Variants in KCNIP4 observed in about 807,000 individuals in gnomAD.
KCNIP4 encodes Kv channel-interacting protein 4.
In KCNIP4, 12 loss-of-function variants were observed where a neutral mutation model predicts 34.0. The ratio of observed to expected loss-of-function variants is 0.35; its 90% CI spans 0.23 to 0.57. The LOEUF (loss-of-function observed/expected upper bound fraction) is 0.57. KCNIP4 is among the 20% of genes least tolerant of loss of function. KCNIP4 has a pLI of 0.83. For synonymous variants in KCNIP4, 124 were observed against 102.2 expected (o/e 1.21, Z -1.29); for missense variants, 238 against 311.7 (o/e 0.76, Z 1.78).
intron 1 of KCNIP4, among the ~76,000 whole-genome samples, chr4:21,465,431 GA>G (rs1220740580): frequency 6.6e-6 from 1 of 152,134 alleles, no homozygotes; most frequent in Non-Finnish European, 1.5e-5. Context: ...ATGTGGGCAA[GA>G]AGGATTGTTG....
chr4:21,282,498 T>C (rs1198445762), intron 1 of KCNIP4, among the ~76,000 whole-genome samples: 1 of 150,222 alleles, frequency 6.7e-6, no homozygotes, highest in African/African-American at 2.5e-5. Flanking sequence ...GTGTGTGTAA[T>C]GCTGTTAAAA....
intron 1 of KCNIP4, among the ~76,000 whole-genome samples, chr4:21,931,926 C>T (rs1369571124): frequency 6.6e-6 from 1 of 152,084 alleles, no homozygotes; most frequent in African/African-American, 2.4e-5. Context: ...TTCTCCACAT[C>T]CTCTCCTTGT....
At chr4:21,510,825 C>T (rs28600372) in intron 1 of KCNIP4, among the ~76,000 whole-genome samples, 10,937 of 151,348 alleles carry the variant, frequency 0.072, 1,193 homozygotes, top group African/African-American at 0.24. Flanking sequence ...GAAACCAGCC[C>T]GGCCAACATG....
intron 3 of KCNIP4, among the ~76,000 whole-genome samples, chr4:20,824,646 C>A (rs1436245252): frequency 6.6e-6 from 1 of 152,114 alleles, no homozygotes; most frequent in African/African-American, 2.4e-5. Context: ...CACTTCTGCA[C>A]TCCAGACTAG....
rs371225209 is a variant in KCNIP4, at chr4:21,382,009, G to C, written c.62-499300C>G. ...GGAGCTACAGGAGCCTAAGAAAATGGAACAGCAAATGTTGAGGAAAGGGGA... is the reference window on the plus strand; with the variant it reads ...GGAGCTACAGGAGCCTAAGAAAATGCAACAGCAAATGTTGAGGAAAGGGGA... On this transcript the variant is annotated intron_variant, in intron 1 of 8. Transcript: ENST00000382152. Among the ~76,000 whole-genome samples the C allele has an allele frequency of 2.0e-5, 3 of 152,306 alleles. No individual in the cohort carries two copies. In the East Asian group the frequency reaches 5.8e-4, roughly 29 times the overall value.
chr4:21,151,715 C>A (rs922113350), intron 1 of KCNIP4, among the ~76,000 whole-genome samples: 2 of 152,072 alleles, frequency 1.3e-5, no homozygotes, highest in African/African-American at 4.8e-5. Context: ...CAGTCCACAG[C>A]CCTCCCTCTG....
intron 3 of KCNIP4, among the ~76,000 whole-genome samples, chr4:20,788,552 A>C (rs1033172388): frequency 5.3e-5 from 8 of 152,188 alleles, no homozygotes; most frequent in Non-Finnish European, 1.2e-4. Flanking sequence ...GTAAACATGT[A>C]GGAATTCAGC....
intron 1 of KCNIP4, among the ~76,000 whole-genome samples, chr4:21,233,356 C>T (rs1441708894): frequency 6.6e-6 from 1 of 152,078 alleles, no homozygotes; most frequent in African/African-American, 2.4e-5. Flanking sequence ...CTACTAAATA[C>T]TTCCTCACTG....
intron 1 of KCNIP4, among the ~76,000 whole-genome samples, chr4:21,119,179 AG>A (rs1749931130): frequency 6.6e-6 from 1 of 152,126 alleles, no homozygotes; most frequent in African/African-American, 2.4e-5. Flanking sequence ...GGCGGAGCTC[AG>A]GGCCCAAATG....
intron 1 of KCNIP4, among the ~76,000 whole-genome samples, chr4:21,795,704 A>T (rs922319774): frequency 6.6e-6 from 1 of 151,984 alleles, no homozygotes; most frequent in African/African-American, 2.4e-5. Flanking sequence ...GTAAAAAGAG[A>T]TGCAAGGGTA....
chr4:20,939,593 C>T (rs534754442), intron 1 of KCNIP4, among the ~76,000 whole-genome samples: 81 of 151,958 alleles, frequency 5.3e-4, no homozygotes, highest in South Asian at 8.3e-4. Flanking sequence ...AGGATGGTCT[C>T]GATTTCTTGG....
chr4:21,361,030 T>TATCGTCATCATCATCATCATCATC (rs1390671734), intron 1 of KCNIP4, among the ~76,000 whole-genome samples: 6 of 148,954 alleles, frequency 4.0e-5, no homozygotes, highest in Non-Finnish European at 8.8e-5. Context: ...TTATCATCAT[T>TATCGTCATCATCATCATCATCATC]ATCGTCATCA....
At position 21,372,934 on chromosome 4, in the gene KCNIP4, T is replaced by G. The variant is rs113353530; in HGVS notation, c.62-490225A>C. ...ACAGGTAGGTGGGTAAATATGAAACTTAGCTGTGCCTCATATGGTTGTGTT... is the reference window on the plus strand; with the variant it reads ...ACAGGTAGGTGGGTAAATATGAAACGTAGCTGTGCCTCATATGGTTGTGTT... On this transcript the variant is annotated intron_variant, in intron 1 of 8. Transcript: ENST00000382152. Among the ~76,000 whole-genome samples, 585 of 146,058 alleles carry G rather than the reference T, an allele frequency of 4.0e-3. 7 individuals are homozygous for G. The highest frequency in any genetic ancestry group is 2.9e-3 in the Non-Finnish European group (194 of 67,972).
intron 1 of KCNIP4, among the ~76,000 whole-genome samples, chr4:21,209,247 C>A (rs577141078): frequency 2.6e-5 from 4 of 152,168 alleles, no homozygotes; most frequent in African/African-American, 9.6e-5. Context: ...AAACATTTAT[C>A]ATTCTTTTGT....
At chr4:21,706,684 C>T (rs1281483427) in intron 1 of KCNIP4, among the ~76,000 whole-genome samples, 2 of 152,076 alleles carry the variant, frequency 1.3e-5, no homozygotes, top group Non-Finnish European at 2.9e-5. Flanking sequence ...TAGTGATTCC[C>T]AAGAAGACTC....
intron 1 of KCNIP4, among the ~76,000 whole-genome samples, chr4:21,869,441 T>C (rs1238029642): frequency 6.6e-6 from 1 of 152,156 alleles, no homozygotes; most frequent in East Asian, 1.9e-4. Flanking sequence ...TGGGCCTTCC[T>C]GTCTTCAAGG....
chr4:21,779,858 G>A (rs1440759412), intron 1 of KCNIP4, among the ~76,000 whole-genome samples: 1 of 151,368 alleles, frequency 6.6e-6, no homozygotes, highest in Non-Finnish European at 1.5e-5. Context: ...TTGAGCCCAA[G>A]AGTTCAAGGC....
intron 1 of KCNIP4, among the ~76,000 whole-genome samples, chr4:21,268,027 T>C (rs1306765736): frequency 6.6e-6 from 1 of 152,184 alleles, no homozygotes; most frequent in Non-Finnish European, 1.5e-5. Flanking sequence ...CAATATCAGA[T>C]CCTGTTATTG....
intron 1 of KCNIP4, among the ~76,000 whole-genome samples, chr4:21,370,854 C>T (rs866642531): frequency 0.028 from 763 of 26,800 alleles, 5 homozygotes; most frequent in Non-Finnish European, 0.042. Context: ...TATATATACA[C>T]ACACACACAC....
Sources: allele counts gnomAD v4.1 joint callset (sites outside exome capture counted in the v4.1 genomes callset), GRCh38; gene constraint gnomAD v4.1.1; transcripts MANE v1.5; gene names NCBI Gene and HGNC (gene_info 2026-07-23, HGNC 2026-07-21).